Variants in RBFOX1 observed in about 807,000 individuals in gnomAD.
The protein encoded by RBFOX1 is RNA binding protein fox-1 homolog 1.
A neutral mutation model predicts 57.7 loss-of-function variants in RBFOX1; 8 were observed. The ratio of observed to expected loss-of-function variants is 0.14; its 90% CI spans 0.08 to 0.25. The LOEUF (loss-of-function observed/expected upper bound fraction) is 0.25. RBFOX1 is among the 10% of genes least tolerant of loss of function. The pLI is 1.00. For synonymous variants in RBFOX1, 326 were observed against 222.4 expected (o/e 1.47, Z -4.15); for missense variants, 611 against 548.5 (o/e 1.11, Z -1.14).
rs2083826863 is a variant in RBFOX1 at position 7,710,452 on chromosome 16, A to T, written c.1072-171A>T. 6 of 1,442,604 alleles carry T rather than the reference A, an allele frequency of 4.2e-6. No individual in the cohort carries two copies. In the Admixed American group the frequency reaches 1.8e-4, roughly 44 times the overall value. The allele number at this position is 1,442,604 out of a possible 1,614,324, so 89.4% of individuals were successfully genotyped here. A position where few individuals can be genotyped will look rare whatever the true frequency, so the allele number is the denominator to read the frequency against. ...TTTCTTTAGGAGGAGCTATTGGGGAAGGTCAGGAATGGCCCTATCTTTAGT... is the reference window on the plus strand; with the variant it reads ...TTTCTTTAGGAGGAGCTATTGGGGATGGTCAGGAATGGCCCTATCTTTAGT... On this transcript the variant is annotated intron_variant, in intron 15 of 15. Coordinates refer to ENST00000550418, the MANE Select transcript of RBFOX1 (RefSeq NM_018723.4).
chr16:7,349,439 G>C (rs2097086537), intron 4 of RBFOX1, among the ~76,000 whole-genome samples: 1 of 152,200 alleles, frequency 6.6e-6, no homozygotes, highest in Non-Finnish European at 1.5e-5. Context: ...GTAGATTGGA[G>C]AAAGAAGTCA....
At chr16:6,242,626 GCA>G (rs1567756185) in intron 1 of RBFOX1, among the ~76,000 whole-genome samples, 4 of 59,292 alleles carry the variant, frequency 6.7e-5, no homozygotes, top group Non-Finnish European at 1.5e-4. Context: ...ATAATTTATT[GCA>G]AACACACACA....
intron 4 of RBFOX1, among the ~76,000 whole-genome samples, chr16:7,384,124 GTTC>G (rs889204909): frequency 6.6e-5 from 10 of 151,298 alleles, no homozygotes; most frequent in Non-Finnish European, 1.3e-4. Flanking sequence ...ATATACATAT[GTTC>G]TTCTTATATT....
intron 3 of RBFOX1, among the ~76,000 whole-genome samples, chr16:6,912,799 T>A (rs1045843277): frequency 1.3e-5 from 2 of 151,710 alleles, no homozygotes; most frequent in South Asian, 2.1e-4. Context: ...TTTTTTTTTT[T>A]AAGACAGACT....
At chr16:6,190,606 C>T (rs1368375002) in intron 1 of RBFOX1, among the ~76,000 whole-genome samples, 2 of 152,094 alleles carry the variant, frequency 1.3e-5, no homozygotes, top group Non-Finnish European at 1.5e-5. Context: ...CTTGATATAT[C>T]GTCGATGGTA....
At chr16:5,888,031 C>T (rs1353976541) in intron 4 of RBFOX1, among the ~76,000 whole-genome samples, 1 of 152,204 alleles carries the variant, frequency 6.6e-6, no homozygotes, top group African/African-American at 2.4e-5. Flanking sequence ...AGACTGCATT[C>T]CTGCAAGACA....
At chr16:5,846,444 C>T (rs1187713794) in intron 3 of RBFOX1, among the ~76,000 whole-genome samples, 2 of 152,124 alleles carry the variant, frequency 1.3e-5, no homozygotes, top group Non-Finnish European at 2.9e-5. Context: ...TGTGATTATT[C>T]GACAAGTGTT....
chr16:7,565,861 C>G (rs971994001), intron 5 of RBFOX1, among the ~76,000 whole-genome samples: 1 of 152,064 alleles, frequency 6.6e-6, no homozygotes, highest in African/African-American at 2.4e-5. Context: ...AGTAGGCTGA[C>G]TGTGGGGAGA....
Position 5,927,125 on chromosome 16 carries a change from T to A in RBFOX1, c.351+59790T>A, listed in dbSNP as rs529871860. ...TGTTTTAAATTGATTCCATTTTGAC[T>A]GACATTTATTTTAATTGGAAACTAT... On this transcript the variant is annotated intron_variant, in intron 4 of 19. Transcript: ENST00000641259. Among the ~76,000 whole-genome samples the A allele has an allele frequency of 3.7e-4, 56 of 152,364 alleles. No homozygotes were observed. The South Asian group carries it at 0.012, about 32-fold the overall frequency.
chr16:6,739,898 A>AAC (rs2071540463), intron 3 of RBFOX1, among the ~76,000 whole-genome samples: 1 of 152,144 alleles, frequency 6.6e-6, no homozygotes, highest in Non-Finnish European at 1.5e-5. Flanking sequence ...GTGGTGGTCC[A>AAC]CATTCCACTT....
chr16:7,362,015 A>G (rs983448295), intron 4 of RBFOX1, among the ~76,000 whole-genome samples: 3 of 150,356 alleles, frequency 2.0e-5, no homozygotes, highest in African/African-American at 7.4e-5. Flanking sequence ...GATTATGTAT[A>G]TATGTTTTGT....
At chr16:5,952,206 A>G (rs2059535441) in intron 4 of RBFOX1, among the ~76,000 whole-genome samples, 1 of 150,896 alleles carries the variant, frequency 6.6e-6, no homozygotes, top group African/African-American at 2.4e-5. Flanking sequence ...GCTGGAGTGC[A>G]GCAGTGTGAC....
chr16:6,115,364 T>C (rs2096486982), intron 1 of RBFOX1, among the ~76,000 whole-genome samples: 1 of 152,190 alleles, frequency 6.6e-6, no homozygotes, highest in East Asian at 1.9e-4. Flanking sequence ...TTTAAATTTT[T>C]CCAGAGAAAA....
intron 3 of RBFOX1, among the ~76,000 whole-genome samples, chr16:5,629,104 G>C (rs1228847576): frequency 1.9e-5 from 2 of 104,188 alleles, no homozygotes; most frequent in South Asian, 6.2e-4. Flanking sequence ...AAGTGATGCT[G>C]TAAAAAGAAG....
chr16:7,281,363 C>T (rs955952137), intron 4 of RBFOX1, among the ~76,000 whole-genome samples: 1 of 151,670 alleles, frequency 6.6e-6, no homozygotes, highest in Non-Finnish European at 1.5e-5. Context: ...CATTTGGAGG[C>T]AGATGGGCTG....
At chr16:5,530,946 A>T (rs1030109373) in intron 2 of RBFOX1, among the ~76,000 whole-genome samples, 11 of 16,226 alleles carry the variant, frequency 6.8e-4, no homozygotes, top group South Asian at 8.1e-3. Context: ...AAAAAAAAAA[A>T]AAAAAAAAAA....
In RBFOX1 at chr16:6,842,641, A is replaced by T. The variant is rs111982487; in HGVS notation, c.-16+187991A>T. Among the ~76,000 whole-genome samples, 67 of 125,920 alleles carry T rather than the reference A, an allele frequency of 5.3e-4. 1 individual carries two copies. Among genetic ancestry groups the T allele is most frequent in the South Asian group, 2.7e-4 (1 of 3,694 alleles). The allele number at this position is 125,920 out of a possible 152,430, so 82.6% of individuals were successfully genotyped here. A position where few individuals can be genotyped will look rare whatever the true frequency, so the allele number is the denominator to read the frequency against. On this transcript the variant is annotated intron_variant, in intron 3 of 15. Coordinates refer to ENST00000550418, the MANE Select transcript of RBFOX1 (RefSeq NM_018723.4). ...GACAGACATTTAGACTGTTTTTTTT[A>T]AATCTATTTGCTTTTTTTTTTTTTA...
At chr16:7,372,715 C>G (rs1191021772) in intron 4 of RBFOX1, among the ~76,000 whole-genome samples, 1 of 151,342 alleles carries the variant, frequency 6.6e-6, no homozygotes, top group African/African-American at 2.4e-5. Flanking sequence ...TTATTGAGGG[C>G]TTACAGAAAA....
intron 3 of RBFOX1, among the ~76,000 whole-genome samples, chr16:6,782,692 G>T (rs150065029): frequency 6.6e-6 from 1 of 152,276 alleles, no homozygotes; most frequent in African/African-American, 2.4e-5. Flanking sequence ...TGAGAAGAAT[G>T]TGTATTATTC....
Sources: gnomAD v4.1 joint callset for allele counts (sites outside exome capture counted in the v4.1 genomes callset) on GRCh38, gnomAD v4.1.1 for gene constraint, MANE v1.5 for transcripts, NCBI Gene and HGNC (gene_info 2026-07-23, HGNC 2026-07-21) for gene names.